MIPOL1: variants seen among roughly 807,000 people sequenced by gnomAD.
The protein encoded by MIPOL1 is mirror-image polydactyly 1.
In MIPOL1, 57 loss-of-function variants were observed where a neutral mutation model predicts 60.9. That is an observed-to-expected ratio of 0.94 (90% CI 0.76 to 1.17). The LOEUF is 1.17. Among genes scored for constraint, MIPOL1 ranks in the 50% most tolerant of loss-of-function variants. The pLI, the probability that MIPOL1 is intolerant of heterozygous loss-of-function variation, is 0.00. For missense variants in MIPOL1, 551 were observed against 511.6 expected (o/e 1.08, Z -0.74); for synonymous variants, 179 against 168.8 (o/e 1.06, Z -0.47).
At chr14:37,415,489 C>T (rs554122716) in intron 10 of MIPOL1, among the ~76,000 whole-genome samples, 4 of 151,836 alleles carry the variant, frequency 2.6e-5, no homozygotes, top group East Asian at 3.9e-4. Flanking sequence ...ATTAGCCAGG[C>T]GTGGTGGCGG....
rs112851412 is a variant in MIPOL1, at chr14:37,269,565, A to G, written c.387+772A>G. Among the ~76,000 whole-genome samples the G allele has an allele frequency of 6.1e-3, 921 of 152,208 alleles. 10 individuals are homozygous for G. The highest frequency in any genetic ancestry group is 0.031 in the South Asian group (151 of 4,814). On this transcript the variant is annotated intron_variant, in intron 5 of 12. Transcript: ENST00000684589. ...GGATTCTGTATGAGATGTTTTCTGT[A>G]CTTTCATTTAGCAGTTATTTATTAC...
intron 12 of MIPOL1, among the ~76,000 whole-genome samples, chr14:37,515,789 A>G (rs1285713219): frequency 6.6e-6 from 1 of 152,162 alleles, no homozygotes; most frequent in Non-Finnish European, 1.5e-5. Context: ...TCTCTGTATA[A>G]TCACACCACA....
At chr14:37,272,864 C>T (rs189005779) in intron 6 of MIPOL1, among the ~76,000 whole-genome samples, 1 of 151,346 alleles carries the variant, frequency 6.6e-6, no homozygotes, top group African/African-American at 2.4e-5. Context: ...AAAAGAAATA[C>T]TTATAAAAAC....
intron 9 of MIPOL1, among the ~76,000 whole-genome samples, chr14:37,356,186 C>G (rs1191047297): frequency 1.3e-5 from 2 of 151,842 alleles, no homozygotes; most frequent in East Asian, 2.0e-4. Context: ...TCAGTCTGTC[C>G]CTGCTGGGGT....
intron 1 of MIPOL1, among the ~76,000 whole-genome samples, chr14:37,220,350 T>A (rs189807204): frequency 1.1e-4 from 17 of 152,352 alleles, no homozygotes; most frequent in African/African-American, 3.8e-4. Flanking sequence ...TAATGAATTA[T>A]TTTTTGAAGT....
At chr14:37,469,113 G>C (rs1750674708) in intron 11 of MIPOL1, among the ~76,000 whole-genome samples, 1 of 152,130 alleles carries the variant, frequency 6.6e-6, no homozygotes, top group African/African-American at 2.4e-5. Context: ...GACTATTGTG[G>C]TTTATTAGTC....
rs541996459 is a variant in MIPOL1, at chr14:37,548,656, A to G, written c.*1685A>G. 1 of 152,088 alleles carries G rather than the reference A, an allele frequency of 6.6e-6. No individual in the cohort carries two copies. Among genetic ancestry groups the G allele is most frequent in the East Asian group, 1.9e-4 (1 of 5,170 alleles). The allele number at this position is 152,088 out of a possible 1,614,324, so 9.4% of individuals were successfully genotyped here. On this transcript the variant is annotated 3_prime_UTR_variant, in exon 13 of 13. Coordinates refer to ENST00000684589, the MANE Select transcript of MIPOL1 (RefSeq NM_001388067.1). ...CTGGGAGGTGCAGGTAAGTAAAGAG[A>G]AACAATTTTTGTCACAAAGTAGTCC...
At chr14:37,538,390 G>T (rs1466364115) in intron 12 of MIPOL1, among the ~76,000 whole-genome samples, 1 of 151,872 alleles carries the variant, frequency 6.6e-6, no homozygotes, top group African/African-American at 2.4e-5. Flanking sequence ...TTTATCTTTG[G>T]TTCTTTCCCA....
intron 10 of MIPOL1, among the ~76,000 whole-genome samples, chr14:37,417,973 C>A (rs547889601): frequency 6.6e-6 from 1 of 152,078 alleles, no homozygotes; most frequent in Non-Finnish European, 1.5e-5. Context: ...ATTTCCTCCT[C>A]TATAAAAGTA....
intron 9 of MIPOL1, among the ~76,000 whole-genome samples, chr14:37,316,715 G>T (rs1026724524): frequency 1.3e-5 from 2 of 151,718 alleles, no homozygotes; most frequent in African/African-American, 4.8e-5. Flanking sequence ...GATAATTGCA[G>T]CCTGTAATCC....
intron 1 of MIPOL1, among the ~76,000 whole-genome samples, chr14:37,199,561 GC>G (rs749060525): frequency 4.6e-5 from 7 of 151,286 alleles, no homozygotes; most frequent in Non-Finnish European, 8.8e-5. Flanking sequence ...GTCTCGCTCT[GC>G]CGCCAAGGCT....
At chr14:37,245,968 G>C (rs1348097842) in intron 1 of MIPOL1, among the ~76,000 whole-genome samples, 1 of 152,020 alleles carries the variant, frequency 6.6e-6, no homozygotes, top group Non-Finnish European at 1.5e-5. Context: ...CCTAAAACAG[G>C]ATGCATTTTT....
intron 1 of MIPOL1, among the ~76,000 whole-genome samples, chr14:37,234,341 TTTTTC>T (rs1041222870): frequency 2.0e-4 from 30 of 150,172 alleles, no homozygotes; most frequent in East Asian, 1.2e-3. Flanking sequence ...GTCCCTTCTT[TTTTTC>T]TTTTCTTTTC....
At chr14:37,427,094 A>G (rs2093980468) in intron 11 of MIPOL1, among the ~76,000 whole-genome samples, 1 of 152,178 alleles carries the variant, frequency 6.6e-6, no homozygotes, top group Non-Finnish European at 1.5e-5. Context: ...AAGTAAGGAC[A>G]AGCAGTTACT....
intron 11 of MIPOL1, among the ~76,000 whole-genome samples, chr14:37,453,129 A>G (rs895481759): frequency 1.3e-5 from 2 of 152,162 alleles, no homozygotes; most frequent in Non-Finnish European, 2.9e-5. Context: ...CTTTAAAAGT[A>G]TGATTTTTTT....
chr14:37,231,709 A>G (rs113561972), intron 1 of MIPOL1, among the ~76,000 whole-genome samples: 6,647 of 152,218 alleles, frequency 0.044, 332 homozygotes, highest in African/African-American at 0.12. Context: ...GAAAACTAAG[A>G]TGAATGTTTT....
intron 9 of MIPOL1, among the ~76,000 whole-genome samples, chr14:37,346,324 G>A (rs540383409): frequency 2.6e-5 from 4 of 152,090 alleles, no homozygotes; most frequent in East Asian, 1.9e-4. Context: ...GTGAGACTCC[G>A]TCTCAAAAAA....
intron 1 of MIPOL1, among the ~76,000 whole-genome samples, chr14:37,216,112 T>C (rs1967644743): frequency 6.6e-6 from 1 of 150,380 alleles, no homozygotes. Context: ...AGAGCTATTC[T>C]ATACCAACAG....
At chr14:37,470,412 G>T (rs2094667314) in intron 11 of MIPOL1, among the ~76,000 whole-genome samples, 1 of 152,038 alleles carries the variant, frequency 6.6e-6, no homozygotes, top group Non-Finnish European at 1.5e-5. Context: ...GGATCATGGG[G>T]ACGGATTTCC....
Sources: gnomAD v4.1 joint callset for allele counts (sites outside exome capture counted in the v4.1 genomes callset) on GRCh38, gnomAD v4.1.1 for gene constraint, MANE v1.5 for transcripts, NCBI Gene and HGNC (gene_info 2026-07-23, HGNC 2026-07-21) for gene names.